Variants in NAALADL2 observed in about 807,000 individuals in gnomAD.
NAALADL2 encodes N-acetylated alpha-linked acidic dipeptidase like 2.
Under a neutral mutation model 87.2 loss-of-function variants are expected in NAALADL2, and 76 were observed. The ratio of observed to expected loss-of-function variants is 0.87; its 90% CI spans 0.72 to 1.05. The LOEUF (loss-of-function observed/expected upper bound fraction) is 1.05, where lower values mean the gene tolerates loss of function less well. Among genes scored for constraint, NAALADL2 ranks in the 50% least tolerant of loss-of-function variants. NAALADL2 has a pLI of 0.00. For missense variants in NAALADL2, 1,089 were observed against 945.8 expected, an observed-to-expected ratio of 1.15 and a Z score of -1.99; for synonymous variants, 354 against 331.0, an observed-to-expected ratio of 1.07 and a Z score of -0.75.
chr3:175,250,074 G>A (rs538173390), intron 3 of NAALADL2, among the ~76,000 whole-genome samples: 2 of 151,958 alleles, frequency 1.3e-5, no homozygotes, highest in Non-Finnish European at 2.9e-5. Context: ...GAAGGCTGAG[G>A]CAGGAGAATC....
At chr3:174,907,021 A>G (rs1427951304) in intron 1 of NAALADL2, among the ~76,000 whole-genome samples, 1 of 152,108 alleles carries the variant, frequency 6.6e-6, no homozygotes, top group African/African-American at 2.4e-5. Flanking sequence ...AATTTCACAG[A>G]TAACTCATAA....
intron 9 of NAALADL2, among the ~76,000 whole-genome samples, chr3:175,509,697 T>C (rs1730861637): frequency 6.6e-6 from 1 of 152,194 alleles, no homozygotes; most frequent in African/African-American, 2.4e-5. Flanking sequence ...TAGTCCATTC[T>C]CCTGCTGCTA....
At chr3:175,718,114 A>T in intron 11 of NAALADL2, 1 of 897,444 alleles carries the variant, frequency 1.1e-6, no homozygotes, top group Non-Finnish European at 1.6e-6. Context: ...TTTGAGGTCT[A>T]CAAGACGTAT....
Position 175,224,427 on chromosome 3 carries a change from G to A in NAALADL2, c.546-9504G>A, listed in dbSNP as rs139765815. Among the ~76,000 whole-genome samples the A allele has an allele frequency of 1.1e-3, 172 of 152,224 alleles. 1 individual carries two copies. The highest frequency in any genetic ancestry group is 4.0e-3 in the African/African-American group (168 of 41,536). The stretch of plus-strand genomic sequence containing the variant: ...GAGGACTTACAAAATGGTGCAGCTT[G>A]GACTAACAAGGGTTAGAATGTGTTA... On this transcript the variant is annotated intron_variant, in intron 2 of 13. Coordinates refer to ENST00000454872, the MANE Select transcript of NAALADL2 (RefSeq NM_207015.3).
At chr3:175,177,455 C>T (rs1011823341) in intron 2 of NAALADL2, among the ~76,000 whole-genome samples, 1 of 151,906 alleles carries the variant, frequency 6.6e-6, no homozygotes, top group South Asian at 2.1e-4. Flanking sequence ...GCTTTCAGAC[C>T]CTACTCCGAT....
At chr3:175,274,474 T>C (rs1296282987) in intron 4 of NAALADL2, among the ~76,000 whole-genome samples, 1 of 152,206 alleles carries the variant, frequency 6.6e-6, no homozygotes, top group Non-Finnish European at 1.5e-5. Flanking sequence ...AGCAGCTAAA[T>C]AGTCAAATTT....
chr3:175,134,851 A>C (rs1206149898), intron 2 of NAALADL2, among the ~76,000 whole-genome samples: 2 of 152,230 alleles, frequency 1.3e-5, no homozygotes, highest in Non-Finnish European at 2.9e-5. Context: ...ATTTTTTAAA[A>C]TGCCTTTAAA....
rs964188386 is a variant in NAALADL2 at position 174,699,324 on chromosome 3, C to T, written c.-114-38317C>T. On this transcript the variant is annotated intron_variant, in intron 2 of 3. Transcript: ENST00000434257. Reference sequence around the variant, plus strand: ...CAGCCTGGCCAATATGGTGAAACCTCGTCTCTACTAAAACAAAAATGAGTT... The same window carrying T: ...CAGCCTGGCCAATATGGTGAAACCTTGTCTCTACTAAAACAAAAATGAGTT... Among the ~76,000 whole-genome samples the T allele has an allele frequency of 5.3e-5, 8 of 151,978 alleles. No homozygotes were observed. In the East Asian group the frequency reaches 1.2e-3, roughly 22 times the overall value.
chr3:174,471,688 C>G (rs373040501), intron 1 of NAALADL2, among the ~76,000 whole-genome samples: 18 of 151,974 alleles, frequency 1.2e-4, no homozygotes, highest in African/African-American at 3.4e-4. Context: ...ACCCCATAAA[C>G]TTGGGCAGGT....
At chr3:175,248,217 A>G (rs1015081568) in intron 3 of NAALADL2, among the ~76,000 whole-genome samples, 14 of 152,222 alleles carry the variant, frequency 9.2e-5, no homozygotes, top group African/African-American at 2.9e-4. Context: ...GACTGTGAAA[A>G]TGTTACTTAC....
chr3:175,751,120 A>G (rs1240960618), intron 12 of NAALADL2, among the ~76,000 whole-genome samples: 2 of 152,160 alleles, frequency 1.3e-5, no homozygotes, highest in Admixed American at 6.6e-5. Context: ...ATGTTCTACC[A>G]TACTATAAAA....
Position 175,805,403 on chromosome 3 carries a change from T to C in NAALADL2, c.*2200T>C, listed in dbSNP as rs1056133948. 2.0e-5 allele frequency: 3 copies of C among 151,916 alleles called. No individual in the cohort carries two copies. Among genetic ancestry groups the C allele is most frequent in the African/African-American group, 7.2e-5 (3 of 41,382 alleles). The allele number at this position is 151,916 out of a possible 1,614,324, so 9.4% of individuals were successfully genotyped here. A position where few individuals can be genotyped will look rare whatever the true frequency, so the allele number is the denominator to read the frequency against. Reference sequence around the variant, plus strand: ...GTTATTTGCTATTTGAAAACTGTAGTTAACTATGGTTTTTTATTAGTCTAT... The same window carrying C: ...GTTATTTGCTATTTGAAAACTGTAGCTAACTATGGTTTTTTATTAGTCTAT... On this transcript the variant is annotated 3_prime_UTR_variant, in exon 14 of 14. Coordinates refer to ENST00000454872, the MANE Select transcript of NAALADL2 (RefSeq NM_207015.3).
intron 2 of NAALADL2, among the ~76,000 whole-genome samples, chr3:174,654,190 A>C (rs1023720877): frequency 4.6e-5 from 7 of 151,942 alleles, no homozygotes; most frequent in Non-Finnish European, 4.4e-5. Flanking sequence ...ATTTATTTGC[A>C]TTATACTCTG....
At chr3:175,737,555 G>A (rs1195411742) in intron 12 of NAALADL2, among the ~76,000 whole-genome samples, 156 bp downstream of exon 12, 1 of 152,018 alleles carries the variant, frequency 6.6e-6, no homozygotes, top group Non-Finnish European at 1.5e-5. Flanking sequence ...AAGAATTTTA[G>A]TTTTCATTCA....
chr3:174,933,319 G>T (rs1410396386), intron 1 of NAALADL2, among the ~76,000 whole-genome samples: 3 of 152,072 alleles, frequency 2.0e-5, no homozygotes, highest in African/African-American at 7.2e-5. Flanking sequence ...TCAGATTCTT[G>T]ACTATTGAGA....
rs1740457504 is a variant in NAALADL2, at chr3:175,204,021, G to T, written c.546-29910G>T. ...AGCAAAATTCTACCAGACATTCAAA[G>T]AAGAATTGGTACCAATAGTTTTGAC... On this transcript the variant is annotated intron_variant, in intron 2 of 13. Transcript: ENST00000454872. Among the ~76,000 whole-genome samples, 10 of 152,132 alleles carry T rather than the reference G, an allele frequency of 6.6e-5. 1 individual carries two copies. The highest frequency in any genetic ancestry group is 6.6e-4 in the Admixed American group (10 of 15,256).
At chr3:175,369,478 A>G (rs1581614582) in intron 5 of NAALADL2, 1 of 144,644 alleles carries the variant, frequency 6.9e-6, no homozygotes, top group African/African-American at 2.6e-5. Flanking sequence ...ATGTGCATGT[A>G]TACATATATA....
chr3:174,866,821 C>T (rs941762695), intron 1 of NAALADL2, among the ~76,000 whole-genome samples: 1 of 151,644 alleles, frequency 6.6e-6, no homozygotes, highest in Non-Finnish European at 1.5e-5. Context: ...AAAAAAATTA[C>T]TAAGAAAATA....
intron 5 of NAALADL2, among the ~76,000 whole-genome samples, chr3:175,334,635 G>GT (rs34922971): frequency 0.15 from 23,259 of 152,000 alleles, 1,936 homozygotes; most frequent in Admixed American, 0.21. Flanking sequence ...CTTTGTTGGA[G>GT]TTTTTTTCCC....
Sources: allele counts gnomAD v4.1 joint callset (sites outside exome capture counted in the v4.1 genomes callset), GRCh38; gene constraint gnomAD v4.1.1; transcripts MANE v1.5; gene names NCBI Gene and HGNC (gene_info 2026-07-23, HGNC 2026-07-21).